Variants in SLC44A5 observed in about 807,000 individuals in gnomAD.
SLC44A5 encodes choline transporter-like protein 5.
In SLC44A5, 57 loss-of-function variants were observed where a neutral mutation model predicts 101.8. The ratio of observed to expected loss-of-function variants is 0.56; its 90% CI spans 0.45 to 0.70. SLC44A5 has a LOEUF of 0.70. Among genes scored for constraint, SLC44A5 ranks in the 30% least tolerant of loss-of-function variants. The pLI, the probability that SLC44A5 is intolerant of heterozygous loss-of-function variation, is 0.00. For missense variants in SLC44A5, 737 were observed against 853.1 expected (o/e 0.86, Z 1.70); for synonymous variants, 281 against 290.9 (o/e 0.97, Z 0.35).
intron 3 of SLC44A5, among the ~76,000 whole-genome samples, chr1:75,372,732 A>G (rs1371056865): frequency 2.0e-5 from 3 of 152,220 alleles, no homozygotes; most frequent in Admixed American, 2.0e-4. Context: ...CCAAAAATTG[A>G]TAAAAGAATT....
chr1:75,698,715 A>G, the SLC44A5 span, among the ~76,000 whole-genome samples: 1 of 152,234 alleles, frequency 6.6e-6, no homozygotes, highest in East Asian at 1.9e-4. Context: ...GAGCTACAGG[A>G]GGACACTCAA....
chr1:75,277,151 T>A (rs1336544654), intron 5 of SLC44A5, among the ~76,000 whole-genome samples: 2 of 152,194 alleles, frequency 1.3e-5, no homozygotes, highest in African/African-American at 4.8e-5. Context: ...TTGTAGAAGG[T>A]TTAGAGAACA....
chr1:75,488,460 C>G (rs1342058817), intron 2 of SLC44A5, among the ~76,000 whole-genome samples: 3 of 152,176 alleles, frequency 2.0e-5, no homozygotes, highest in Non-Finnish European at 2.9e-5. Flanking sequence ...TAGGGGATCA[C>G]CATTGCATAC....
chr1:75,516,287 G>T (rs963417105), intron 2 of SLC44A5, among the ~76,000 whole-genome samples: 4 of 152,182 alleles, frequency 2.6e-5, no homozygotes, highest in African/African-American at 7.2e-5. Flanking sequence ...GGCCCAGGCG[G>T]GTGGATCACG....
the SLC44A5 span, among the ~76,000 whole-genome samples, chr1:75,681,528 G>A: frequency 7.9e-5 from 12 of 151,476 alleles, no homozygotes; most frequent in Non-Finnish European, 1.6e-4. Context: ...CTCAATAGAT[G>A]CAGAAAAGGC....
At chr1:75,312,750 G>C (rs1416663904) in intron 4 of SLC44A5, among the ~76,000 whole-genome samples, 1 of 151,716 alleles carries the variant, frequency 6.6e-6, no homozygotes, top group Non-Finnish European at 1.5e-5. Flanking sequence ...CAGGTGGTTG[G>C]TACAATTAAG....
intron 2 of SLC44A5, among the ~76,000 whole-genome samples, chr1:75,495,054 A>G (rs143737477): frequency 5.3e-4 from 81 of 152,306 alleles, no homozygotes; most frequent in African/African-American, 1.9e-3. Context: ...TACCTAATGC[A>G]CAGAAACCAA....
At chr1:75,282,482 A>G (rs1356381214) in intron 5 of SLC44A5, among the ~76,000 whole-genome samples, 1 of 152,126 alleles carries the variant, frequency 6.6e-6, no homozygotes, top group Admixed American at 6.6e-5. Context: ...GGAAGGCATA[A>G]TTGTGTATTG....
chr1:75,325,921 T>C (rs1656554737), intron 4 of SLC44A5, among the ~76,000 whole-genome samples: 1 of 152,034 alleles, frequency 6.6e-6, no homozygotes, highest in Non-Finnish European at 1.5e-5. Flanking sequence ...CATATACACC[T>C]TATACATATA....
intron 1 of SLC44A5, among the ~76,000 whole-genome samples, chr1:75,572,886 G>C (rs987148134): frequency 1.3e-5 from 2 of 151,934 alleles, no homozygotes; most frequent in East Asian, 3.9e-4. Context: ...ACTTTGGGAG[G>C]CTAAGGCAGG....
chr1:75,481,051 C>A (rs1338908302), intron 2 of SLC44A5, among the ~76,000 whole-genome samples: 2 of 152,154 alleles, frequency 1.3e-5, no homozygotes, highest in African/African-American at 4.8e-5. Context: ...GGTACCAAAA[C>A]AGAGATATAG....
intron 3 of SLC44A5, among the ~76,000 whole-genome samples, chr1:75,362,013 T>G (rs77906767): frequency 0.2 from 30,285 of 151,994 alleles, 3,218 homozygotes; most frequent in Non-Finnish European, 0.24. Context: ...TTCAGATTTT[T>G]TATTTATTCT....
At chr1:75,346,078 C>T (rs1658231728) in intron 3 of SLC44A5, among the ~76,000 whole-genome samples, 2 of 152,066 alleles carry the variant, frequency 1.3e-5, no homozygotes, top group Non-Finnish European at 2.9e-5. Context: ...GATGAGCATT[C>T]CCAAAACTCA....
At chr1:75,277,910 A>T (rs1251246205) in intron 5 of SLC44A5, among the ~76,000 whole-genome samples, 1 of 152,076 alleles carries the variant, frequency 6.6e-6, no homozygotes, top group Non-Finnish European at 1.5e-5. Flanking sequence ...AAAGACTTTG[A>T]GCTGAAAGCT....
chr1:75,322,904 G>A (rs1211277308), intron 4 of SLC44A5, among the ~76,000 whole-genome samples: 1 of 152,092 alleles, frequency 6.6e-6, no homozygotes, highest in Non-Finnish European at 1.5e-5. Flanking sequence ...TTTCTCATCC[G>A]AAAATAGGAG....
intron 2 of SLC44A5, among the ~76,000 whole-genome samples, chr1:75,497,997 T>C (rs897939467): frequency 1.3e-5 from 2 of 152,152 alleles, no homozygotes; most frequent in Non-Finnish European, 2.9e-5. Context: ...ATAAGGAGGA[T>C]GCTAATCAGT....
chr1:75,475,942 C>T (rs891655327), intron 2 of SLC44A5, among the ~76,000 whole-genome samples: 4 of 152,090 alleles, frequency 2.6e-5, no homozygotes, highest in South Asian at 4.1e-4. Context: ...CCCAGCACTT[C>T]GGGAAGCCGA....
intron 1 of SLC44A5, among the ~76,000 whole-genome samples, chr1:75,589,964 T>TA (rs1422205501): frequency 1.3e-5 from 2 of 151,978 alleles, no homozygotes; most frequent in African/African-American, 4.8e-5. Context: ...CGTCTCTAAG[T>TA]AAATGTGAAA....
chr1:75,376,475 C>G (rs1296303080), intron 3 of SLC44A5, among the ~76,000 whole-genome samples: 1 of 152,182 alleles, frequency 6.6e-6, no homozygotes, highest in Non-Finnish European at 1.5e-5. Flanking sequence ...TCTCCCAGCA[C>G]GCAGCTGGAG....
Sources: gnomAD v4.1 joint callset for allele counts (sites outside exome capture counted in the v4.1 genomes callset) on GRCh38, gnomAD v4.1.1 for gene constraint, MANE v1.5 for transcripts, NCBI Gene and HGNC (gene_info 2026-07-23, HGNC 2026-07-21) for gene names.